The following FBRS variants were observed in gnomAD, a reference collection of about 807,000 sequenced individuals.
FBRS encodes the protein probable fibrosin-1.
Under a neutral mutation model 86.1 loss-of-function variants are expected in FBRS, and 15 were observed. The observed-to-expected ratio is 0.17, with a 90% CI of 0.12 to 0.27. FBRS has a LOEUF of 0.27. FBRS is among the 10% of genes least tolerant of loss of function. The pLI is 1.00. For missense variants in FBRS, 1,367 were observed against 1,301.6 expected (o/e 1.05, Z -0.77); for synonymous variants, 666 against 575.8 (o/e 1.16, Z -2.24).
Position 30,664,534 on chromosome 16 carries a change from G to C in FBRS, c.1357+18G>C. The C allele has an allele frequency of 1.4e-6, 2 of 1,422,972 alleles. No homozygotes were observed. Among genetic ancestry groups the C allele is most frequent in the Non-Finnish European group, 1.8e-6 (2 of 1,091,552 alleles). The allele number at this position is 1,422,972 out of a possible 1,614,324, so 88.1% of individuals were successfully genotyped here. ...CCTTTCTGGTGAGTTTGGGGTCCTG[G>C]CCGGGGGGTGGGGGGCCATCACCCC... On this transcript the variant is annotated intron_variant, in intron 7 of 17. Transcript: ENST00000356166.
chr16:30,669,615 G>A lies in FBRS; in HGVS notation c.2913G>A (p.Arg971=), dbSNP rs2052572669. ...VPAPRPSSPP[R]GPGPARADR ...CCCCCCGGCCCAGTTCCCCACCTAG[G>A]GGCCCTGGCCCAGCTCGGGCTGACA... The change falls in exon 18 of 18, where the codon AGG becomes AGA. Residue 971 remains arginine (R), a synonymous_variant. Transcript: ENST00000356166. The surrounding 1 kb of genome is among the most constrained non-coding windows in gnomAD (Gnocchi z 5.9). 4.4e-6 allele frequency: 7 copies of A among 1,597,246 alleles called. No individual in the cohort carries two copies. In the African/African-American group the frequency reaches 8.0e-5, roughly 18 times the overall value.
intron 6 of FBRS, among the ~76,000 whole-genome samples, chr16:30,663,428 C>G (rs573272301): frequency 1.3e-5 from 2 of 152,088 alleles, no homozygotes; most frequent in East Asian, 3.9e-4. Flanking sequence ...AAAAATAGTC[C>G]TGAGTTAGCT....
In FBRS at chr16:30,664,528, G is replaced by A; in HGVS notation, c.1357+12G>A. On this transcript the variant is annotated intron_variant, in intron 7 of 17. Transcript: ENST00000356166. ...TAACGCCCTTTCTGGTGAGTTTGGG[G>A]TCCTGGCCGGGGGGTGGGGGGCCAT... The A allele has an allele frequency of 1.4e-6, 2 of 1,424,540 alleles. No homozygotes were observed. Among genetic ancestry groups the A allele is most frequent in the South Asian group, 3.0e-5 (2 of 66,466 alleles). 88.2% of individuals were successfully genotyped at this position (1,424,540 alleles called of 1,614,324 possible).
chr16:30,668,971 G>A lies in FBRS; in HGVS notation c.2358G>A (p.Glu786=). The part of the protein sequence containing the change: ...ERREPSITKE[E]KDRDLPFSRP... ...GGGAGCCCTCCATCACCAAGGAGGA[G>A]AAGGACAGGTGTGCCTCCCACCCAC... Residue 786 remains glutamate (E), a synonymous_variant, in exon 17 of 18, where the codon GAG becomes GAA. Coordinates refer to ENST00000356166, the MANE Select transcript of FBRS (RefSeq NM_001105079.3). The A allele has an allele frequency of 6.3e-7, 1 of 1,578,168 alleles. No individual in the cohort carries two copies. Among genetic ancestry groups the A allele is most frequent in the Non-Finnish European group, 8.6e-7 (1 of 1,164,266 alleles).
At position 30,669,807 on chromosome 16, in the gene FBRS, C is replaced by G; in HGVS notation, c.*162C>G. On this transcript the variant is annotated 3_prime_UTR_variant, in exon 18 of 18. Transcript: ENST00000356166. The surrounding 1 kb of genome is among the most constrained non-coding windows in gnomAD (Gnocchi z 5.9). ...ACAGAAGCCTCAACCCCCACAAGAC[C>G]AAGCATCACATGGAGTGTAGGGTCA... The G allele has an allele frequency of 3.4e-6, 3 of 884,512 alleles. No homozygotes were observed. The highest frequency in any genetic ancestry group is 5.0e-6 in the Non-Finnish European group (3 of 597,124). The allele number at this position is 884,512 out of a possible 1,614,324, so 54.8% of individuals were successfully genotyped here.
chr16:30,659,649 C>T lies in FBRS; in HGVS notation c.131C>T (p.Pro44Leu). Reference protein sequence around the residue: ...RRRRGPGGDAPRALLAAPRGS... With the variant: ...RRRRGPGGDALRALLAAPRGS... ...CGCCGAGGTCCAGGCGGCGACGCGC[C>T]CCGGGCCCTGTTGGCCGCCCCGCGC... The change falls in exon 1 of 18, where the codon CCC (proline) becomes CTC (leucine). Residue 44 changes from proline (P) to leucine (L), a missense_variant. This residue lies in a region of FBRS where 702 missense variants were observed against 598.7 expected (regional missense o/e 1.17). Coordinates refer to ENST00000356166, the MANE Select transcript of FBRS (RefSeq NM_001105079.3). The T allele has an allele frequency of 1.9e-6, 1 of 530,680 alleles. No individual in the cohort carries two copies. Among genetic ancestry groups the T allele is most frequent in the Non-Finnish European group, 3.2e-6 (1 of 314,494 alleles). The allele number at this position is 530,680 out of a possible 1,614,324, so 32.9% of individuals were successfully genotyped here.
chr16:30,668,975 G>A lies in FBRS; in HGVS notation c.2362G>A (p.Asp788Asn), dbSNP rs1453555447. 4 of 1,574,432 alleles carry A rather than the reference G, an allele frequency of 2.5e-6. No homozygotes were observed. Among genetic ancestry groups the A allele is most frequent in the African/African-American group, 2.7e-5 (2 of 74,080 alleles). Residue 788 changes from aspartate to asparagine, a missense_variant, in exon 17 of 18, where the codon GAC becomes AAC. By Grantham distance (23) the Asp-to-Asn change is conservative. Around this residue, in one of 3 missense-constraint regions of FBRS, gnomAD observed 659 missense variants for 678.8 expected, o/e 0.97. Transcript: ENST00000356166. ...GCCCTCCATCACCAAGGAGGAGAAG[G>A]ACAGGTGTGCCTCCCACCCACCCTG... ...REPSITKEEK[D>N]RDLPFSRPQL...
rs530263027 is a variant in FBRS at position 30,664,223 on chromosome 16, G to A, written c.1064G>A (p.Arg355Gln). The A allele has an allele frequency of 1.3e-4, 163 of 1,293,160 alleles. No individual in the cohort carries two copies. Among genetic ancestry groups the A allele is most frequent in the Non-Finnish European group, 1.3e-4 (127 of 1,010,016 alleles). 80.1% of individuals were successfully genotyped at this position (1,293,160 alleles called of 1,614,324 possible). A position where few individuals can be genotyped will look rare whatever the true frequency, so the allele number is the denominator to read the frequency against. Residue 355 changes from arginine (R) to glutamine (Q), a missense_variant, in exon 7 of 18, where the codon CGG becomes CAG. By Grantham distance (43) the Arg-to-Gln change is conservative (BLOSUM62 1). Transcript: ENST00000356166. ...SLDLSTGSSSRPPPKAPAPPV... is the reference protein window; with the variant it reads ...SLDLSTGSSSQPPPKAPAPPV... ...CCCACTTCTCTCCCCAGCTCTTCACGGCCGCCCCCCAAGGCCCCGGCCCCT... is the reference window on the plus strand; with the variant it reads ...CCCACTTCTCTCCCCAGCTCTTCACAGCCGCCCCCCAAGGCCCCGGCCCCT...
rs772086049 is a variant in FBRS, at chr16:30,662,614, C to T, written c.810C>T (p.Val270=). 6 of 1,544,112 alleles carry T rather than the reference C, an allele frequency of 3.9e-6. No individual in the cohort carries two copies. The South Asian group carries it at 7.2e-5, about 18-fold the overall frequency. ...ACTGTGAAGCAAAACTCTCCGTGGT[C>T]CCTAAAGTGTCGGGCCTGGAGCGGA... is the stretch of plus-strand genomic sequence containing the variant. ...NGNCEAKLSV[V]PKVSGLERSQ... Residue 270 remains valine (V), a synonymous_variant, in exon 6 of 18, where the codon GTC becomes GTT. Transcript: ENST00000356166.
chr16:30,665,909 T>C lies in FBRS; in HGVS notation c.1773+203T>C, dbSNP rs1340308252. The C allele has an allele frequency of 3.6e-6, 2 of 562,296 alleles. No homozygotes were observed. The highest frequency in any genetic ancestry group is 3.1e-6 in the Non-Finnish European group (1 of 318,000). The allele number at this position is 562,296 out of a possible 1,614,324, so 34.8% of individuals were successfully genotyped here. A position where few individuals can be genotyped will look rare whatever the true frequency, so the allele number is the denominator to read the frequency against. ...GAGTTTCATGAGCTTGTCCCAGAAA[T>C]AGGATGATTAGGACAATGGTTTTTG... is the stretch of plus-strand genomic sequence containing the variant. On this transcript the variant is annotated intron_variant, in intron 11 of 17. Transcript: ENST00000356166. This position sits in a 1 kb window ranked among gnomAD's most constrained non-coding sequence, Gnocchi z 4.1.
Position 30,667,582 on chromosome 16 carries a change from CG to C in FBRS, c.2038del (p.Ala680ProfsTer6). ...AAANPFTAAP[G>X]AHGPFLSPST... Reference sequence around the variant, plus strand: ...CAGCCAACCCTTTCACGGCAGCTCCCGGGGCCCACGGACCCTTCCTGAGCCC... The same window carrying C: ...CAGCCAACCCTTTCACGGCAGCTCCCGGGCCCACGGACCCTTCCTGAGCCC... On this transcript the variant is annotated frameshift_variant, in exon 15 of 18. Coordinates refer to ENST00000356166, the MANE Select transcript of FBRS (RefSeq NM_001105079.3). LOFTEE classifies it high-confidence loss of function. 2 of 1,542,464 alleles carry C rather than the reference CG, an allele frequency of 1.3e-6. No individual in the cohort carries two copies. The highest frequency in any genetic ancestry group is 1.8e-6 in the Non-Finnish European group (2 of 1,142,634).
chr16:30,660,012 T>G, intron 1 of FBRS, 35 bp downstream of exon 1: 5 of 1,541,040 alleles, frequency 3.2e-6, no homozygotes, highest in Non-Finnish European at 4.4e-6. Flanking sequence ...CTTTGGGGGT[T>G]TCCGAGGGGC....
Position 30,660,332 on chromosome 16 carries a change from G to C in FBRS, c.529G>C (p.Gly177Arg), listed in dbSNP as rs954704558. The change falls in exon 2 of 18, where the codon GGG becomes CGG. Residue 177 changes from glycine to arginine, a missense_variant. This residue lies in a region of FBRS where 702 missense variants were observed against 598.7 expected (regional missense o/e 1.17). Transcript: ENST00000356166. ...RLKHSGKRKR[G>R]GSSGATGEPG... is the part of the protein sequence containing the mutation. Reference sequence around the variant, plus strand: ...GAAGCATTCTGGGAAGCGGAAAAGGGGGGGCTCCAGTGGGGCCACCGGGGA... The same window carrying C: ...GAAGCATTCTGGGAAGCGGAAAAGGCGGGGCTCCAGTGGGGCCACCGGGGA... 2 of 1,301,784 alleles carry C rather than the reference G, an allele frequency of 1.5e-6. No homozygotes were observed. Among genetic ancestry groups the C allele is most frequent in the African/African-American group, 1.5e-5 (1 of 64,770 alleles). The allele number at this position is 1,301,784 out of a possible 1,614,324, so 80.6% of individuals were successfully genotyped here.
In FBRS at chr16:30,669,351, C is replaced by T. The variant is rs781194060; in HGVS notation, c.2649C>T (p.Thr883=). 7.4e-6 allele frequency: 12 copies of T among 1,612,482 alleles called. No individual in the cohort carries two copies. Among genetic ancestry groups the T allele is most frequent in the South Asian group, 1.1e-5 (1 of 91,072 alleles). Residue 883 remains threonine, a synonymous_variant, in exon 18 of 18, where the codon ACC becomes ACT. Coordinates refer to ENST00000356166, the MANE Select transcript of FBRS (RefSeq NM_001105079.3). This position sits in a 1 kb window ranked among gnomAD's most constrained non-coding sequence, Gnocchi z 5.9. ...PDRCAGFLEP[T]WLAAPPRLAR... ...GCTGTGCTGGCTTCCTGGAGCCAAC[C>T]TGGTTGGCAGCACCCCCACGCCTGG... is the stretch of plus-strand genomic sequence containing the variant.
Position 30,665,074 on chromosome 16 carries a change from CATA to C in FBRS, c.1606_1608del (p.Asn536del). Reference sequence around the variant, plus strand: ...AGGAAAGATGGAAGGCCTTTTCCGACATAATGTGAGTGTGTGTGTGCGTGTGCG... The same window carrying C: ...AGGAAAGATGGAAGGCCTTTTCCGACATGTGAGTGTGTGTGTGCGTGTGCG... On this transcript the variant is annotated inframe_deletion and splice_region_variant, in exon 9 of 18. Transcript: ENST00000356166. The surrounding 1 kb of genome is among the most constrained non-coding windows in gnomAD (Gnocchi z 4.1). 2 of 1,613,304 alleles carry C rather than the reference CATA, an allele frequency of 1.2e-6. No homozygotes were observed. Among genetic ancestry groups the C allele is most frequent in the African/African-American group, 1.3e-5 (1 of 75,030 alleles).
Position 30,669,216 on chromosome 16 carries a change from T to C in FBRS, c.2514T>C (p.Ala838=), listed in dbSNP as rs559240211. The C allele has an allele frequency of 3.2e-4, 500 of 1,544,132 alleles. 1 individual carries two copies. The highest frequency in any genetic ancestry group is 3.8e-4 in the Non-Finnish European group (429 of 1,143,482). The change falls in exon 18 of 18, where the codon GCT becomes GCC. Residue 838 remains alanine, a synonymous_variant. Coordinates refer to ENST00000356166, the MANE Select transcript of FBRS (RefSeq NM_001105079.3). This position sits in a 1 kb window ranked among gnomAD's most constrained non-coding sequence, Gnocchi z 5.9. ...KEEAAAAAAA[A]AAAAAAAAAA... ...AGGCTGCCGCCGCCGCTGCCGCTGC[T>C]GCTGCCGCCGCCGCTGCCGCCGCCG...
In FBRS at chr16:30,658,463, G is replaced by A. The variant is rs2052411827; in HGVS notation, c.-1056G>A. The A allele has an allele frequency of 6.5e-6, 1 of 152,814 alleles. No individual in the cohort carries two copies. Among genetic ancestry groups the A allele is most frequent in the African/African-American group, 2.4e-5 (1 of 41,464 alleles). 9.5% of individuals were successfully genotyped at this position (152,814 alleles called of 1,614,324 possible). ...GAAGGAGGCGTAGGCTGAGGAGGAA[G>A]AGGGAGGAGGGGTAGGGAAGTCCTG... is the stretch of plus-strand genomic sequence containing the variant. On this transcript the variant is annotated 5_prime_UTR_variant, in exon 1 of 18. Coordinates refer to ENST00000356166, the MANE Select transcript of FBRS (RefSeq NM_001105079.3).
Position 30,664,284 on chromosome 16 carries a change from GTCC to G in FBRS, c.1137_1139del (p.Ser381del), listed in dbSNP as rs761796565. 240 of 1,414,314 alleles carry G rather than the reference GTCC, an allele frequency of 1.7e-4. 3 individuals are homozygous for G. The South Asian group carries it at 2.2e-3, about 13-fold the overall frequency. The allele number at this position is 1,414,314 out of a possible 1,614,324, so 87.6% of individuals were successfully genotyped here. A position where few individuals can be genotyped will look rare whatever the true frequency, so the allele number is the denominator to read the frequency against. On this transcript the variant is annotated inframe_deletion, in exon 7 of 18. Coordinates refer to ENST00000356166, the MANE Select transcript of FBRS (RefSeq NM_001105079.3). ...AGCCTCCCCCCTCATCATCCTCTTC[GTCC>G]TCCTCCTCCTCATCTGCCTCCTCCT...
rs914957324 is a variant in FBRS at position 30,658,979 on chromosome 16, A to C, written c.-540A>C. The stretch of plus-strand genomic sequence containing the variant: ...AAGTGGCCGCTTGTGGAGGACTAGA[A>C]ACTAACTCCGAGCCCTTAAAGGGAC... On this transcript the variant is annotated 5_prime_UTR_variant, in exon 1 of 18. Transcript: ENST00000356166. 3 of 152,234 alleles carry C rather than the reference A, an allele frequency of 2.0e-5. No homozygotes were observed. The highest frequency in any genetic ancestry group is 3.4e-3 in the Middle Eastern group (1 of 296). The allele number at this position is 152,234 out of a possible 1,614,324, so 9.4% of individuals were successfully genotyped here.
Sources: allele counts gnomAD v4.1 joint callset (sites outside exome capture counted in the v4.1 genomes callset), GRCh38; gene constraint gnomAD v4.1.1; regional missense constraint gnomAD v4.1.1; non-coding constraint Gnocchi (gnomAD v3.1); transcripts MANE v1.5; gene names NCBI Gene and HGNC (gene_info 2026-07-23, HGNC 2026-07-21).